The following CTSC variants were observed in gnomAD, a reference collection of about 807,000 sequenced individuals.
The protein encoded by CTSC is cathepsin C.
Under a neutral mutation model 40.9 loss-of-function variants are expected in CTSC, and 37 were observed. That is an observed-to-expected ratio of 0.91 (90% CI 0.70 to 1.19). The LOEUF is 1.19. Ranked by LOEUF, CTSC falls within the 50% of genes most tolerant of loss-of-function variation. The pLI is 0.00. For missense variants in CTSC, 594 were observed against 567.3 expected, an observed-to-expected ratio of 1.05 and a Z score of -0.48; for synonymous variants, 232 against 207.4, an observed-to-expected ratio of 1.12 and a Z score of -1.02.
chr11:88,311,630 T>C (rs553672643), intron 3 of CTSC, among the ~76,000 whole-genome samples: 1 of 152,330 alleles, frequency 6.6e-6, no homozygotes, highest in East Asian at 1.9e-4. Flanking sequence ...TCAAAATTCA[T>C]ACGTTGAAAT....
intron 4 of CTSC, among the ~76,000 whole-genome samples, chr11:88,304,156 C>G (rs938671813): frequency 1.3e-5 from 2 of 152,072 alleles, no homozygotes; most frequent in Non-Finnish European, 2.9e-5. Flanking sequence ...TTATCACTTA[C>G]TATCTGTGTA....
intron 2 of CTSC, among the ~76,000 whole-genome samples, chr11:88,314,936 A>C (rs749957581): frequency 3.3e-5 from 5 of 152,210 alleles, no homozygotes; most frequent in Middle Eastern, 3.4e-3. Flanking sequence ...ACCCTACTCA[A>C]TATGATGACC....
chr11:88,324,867 CACT>C (rs1938137120), intron 2 of CTSC: 7 of 985,246 alleles, frequency 7.1e-6, no homozygotes, highest in Non-Finnish European at 8.4e-6. Flanking sequence ...GGGAGCAGTC[CACT>C]GTACTCTTAA....
intron 4 of CTSC, among the ~76,000 whole-genome samples, chr11:88,302,450 C>T (rs1944375685): frequency 1.3e-5 from 2 of 151,804 alleles, no homozygotes; most frequent in East Asian, 1.9e-4. Context: ...AGTGAAACCC[C>T]GTCCCTACTA....
At chr11:88,304,855 TGGGA>T (rs1162099102) in intron 4 of CTSC, among the ~76,000 whole-genome samples, 6 of 152,178 alleles carry the variant, frequency 3.9e-5, no homozygotes, top group African/African-American at 1.4e-4. Context: ...TGCAGCACTT[TGGGA>T]GGCCAAGGTA....
intron 3 of CTSC, among the ~76,000 whole-genome samples, chr11:88,311,937 T>C (rs748620639): frequency 5.3e-5 from 8 of 152,226 alleles, no homozygotes; most frequent in Non-Finnish European, 1.2e-4. Flanking sequence ...CAGTCTGTGG[T>C]ACTTTGTTAT....
intron 2 of CTSC, among the ~76,000 whole-genome samples, chr11:88,330,358 A>T (rs1938315591): frequency 1.3e-5 from 2 of 151,800 alleles, no homozygotes; most frequent in Non-Finnish European, 2.9e-5. Flanking sequence ...AAAATCTTTC[A>T]TTTTTTTATT....
chr11:88,293,884 A>G lies in CTSC; in HGVS notation c.*122T>C, dbSNP rs1330914108. 1 of 1,216,584 alleles carries G rather than the reference A, an allele frequency of 8.2e-7. No individual in the cohort carries two copies. Among genetic ancestry groups the G allele is most frequent in the Non-Finnish European group, 1.2e-6 (1 of 837,366 alleles). The allele number at this position is 1,216,584 out of a possible 1,614,324, so 75.4% of individuals were successfully genotyped here. A position where few individuals can be genotyped will look rare whatever the true frequency, so the allele number is the denominator to read the frequency against. ...AGGGCAGTTTTAATTCTGAAGACAA[A>G]TATCTTCATGGAAATCTATTTGTAA... On this transcript the variant is annotated 3_prime_UTR_variant, in exon 7 of 7. Coordinates refer to ENST00000227266, the MANE Select transcript of CTSC (RefSeq NM_001814.6).
At chr11:88,327,311 A>G (rs1055536646) in intron 2 of CTSC, among the ~76,000 whole-genome samples, 5 of 152,298 alleles carry the variant, frequency 3.3e-5, no homozygotes, top group East Asian at 3.9e-4. Context: ...AGATAAACCT[A>G]TGGTGCTTTC....
chr11:88,310,645 G>A (rs953305176), intron 3 of CTSC, among the ~76,000 whole-genome samples: 11 of 152,112 alleles, frequency 7.2e-5, no homozygotes, highest in African/African-American at 2.7e-4. Context: ...ATGTTTTAAT[G>A]TTTTTGTCGA....
chr11:88,337,715 C>T lies in CTSC; in HGVS notation c.-43G>A, dbSNP rs1938547161. On this transcript the variant is annotated 5_prime_UTR_variant, in exon 1 of 7. Coordinates refer to ENST00000227266, the MANE Select transcript of CTSC (RefSeq NM_001814.6). Reference sequence around the variant, plus strand: ...AAAGAGGTGAAGAATTACCAGGAAGCCGAGCGCTGCGGGCTAGCGGTGAGT... The same window carrying T: ...AAAGAGGTGAAGAATTACCAGGAAGTCGAGCGCTGCGGGCTAGCGGTGAGT... 2 of 1,549,840 alleles carry T rather than the reference C, an allele frequency of 1.3e-6. No individual in the cohort carries two copies. Among genetic ancestry groups the T allele is most frequent in the Non-Finnish European group, 1.7e-6 (2 of 1,146,530 alleles).
intron 3 of CTSC, 29 bp from the exon 4 acceptor site, chr11:88,309,347 T>A: frequency 6.3e-7 from 1 of 1,575,026 alleles, no homozygotes; most frequent in East Asian, 2.2e-5. Context: ...TAATTTCAGA[T>A]ATAGTCTTTA....
At position 88,304,595 on chromosome 11, in the gene CTSC, T is replaced by C. The variant is rs375292374; in HGVS notation, c.642-3950A>G. Among the ~76,000 whole-genome samples the C allele has an allele frequency of 6.6e-5, 10 of 152,310 alleles. 1 individual carries two copies. The South Asian group carries it at 1.9e-3, about 28-fold the overall frequency. On this transcript the variant is annotated intron_variant, in intron 4 of 6. Coordinates refer to ENST00000227266, the MANE Select transcript of CTSC (RefSeq NM_001814.6). Reference sequence around the variant, plus strand: ...TGGGTAAGATGAGGCTGAGACCTACTGGGCTGCATTCCCAGACAGTTAAGG... The same window carrying C: ...TGGGTAAGATGAGGCTGAGACCTACCGGGCTGCATTCCCAGACAGTTAAGG...
Position 88,294,424 on chromosome 11 carries a change from G to C in CTSC, c.974C>G (p.Thr325Arg). 6.2e-7 allele frequency: 1 copy of C among 1,614,154 alleles called. No individual in the cohort carries two copies. Among genetic ancestry groups the C allele is most frequent in the Non-Finnish European group, 8.5e-7 (1 of 1,180,014 alleles). Reference protein sequence around the residue: ...GLVEEACFPYTGTDSPCKMKE... With the variant: ...GLVEEACFPYRGTDSPCKMKE... ...CATTTTGCATGGAGAATCAGTGCCT[G>C]TGTAGGGGAAGCAAGCTTCTTCCAC... The change falls in exon 7 of 7, where the codon ACA becomes AGA. Residue 325 changes from threonine to arginine, a missense_variant. By Grantham distance (71) the Thr-to-Arg change is moderately conservative. Coordinates refer to ENST00000227266, the MANE Select transcript of CTSC (RefSeq NM_001814.6).
Position 88,337,481 on chromosome 11 carries a change from C to T in CTSC, c.172+20G>A. The T allele has an allele frequency of 6.4e-7, 1 of 1,560,278 alleles. No individual in the cohort carries two copies. The highest frequency in any genetic ancestry group is 8.7e-7 in the Non-Finnish European group (1 of 1,151,642). ...AGGGCAGAAAGGACGACCCGGAGGA[C>T]TGCCGAGCCGGCGGCTTACCCATAA... On this transcript the variant is annotated intron_variant, in intron 1 of 6. Coordinates refer to ENST00000227266, the MANE Select transcript of CTSC (RefSeq NM_001814.6).
At chr11:88,332,999 C>T (rs1938402821) in intron 2 of CTSC, among the ~76,000 whole-genome samples, 1 of 152,154 alleles carries the variant, frequency 6.6e-6, no homozygotes, top group African/African-American at 2.4e-5. Context: ...TGTTCTTAGG[C>T]AATGGCAAAA....
intron 4 of CTSC, among the ~76,000 whole-genome samples, chr11:88,305,085 G>A (rs780785005): frequency 6.1e-5 from 7 of 114,076 alleles, no homozygotes; most frequent in Non-Finnish European, 9.1e-5. Context: ...ACAACACAGT[G>A]AGACTCTGTC....
intron 2 of CTSC, among the ~76,000 whole-genome samples, chr11:88,312,876 T>C (rs961308173): frequency 6.6e-6 from 1 of 152,104 alleles, no homozygotes; most frequent in African/African-American, 2.4e-5. Flanking sequence ...GACTTCACAG[T>C]CCTTACAAGA....
intron 2 of CTSC, chr11:88,328,221 C>CTCT: frequency 1.3e-6 from 2 of 1,525,896 alleles, no homozygotes; most frequent in Non-Finnish European, 9.1e-7. Flanking sequence ...CAATGGTAAA[C>CTCT]TGAGTCATTA....
Sources: gnomAD v4.1 joint callset for allele counts (sites outside exome capture counted in the v4.1 genomes callset) on GRCh38, gnomAD v4.1.1 for gene constraint, MANE v1.5 for transcripts, NCBI Gene and HGNC (gene_info 2026-07-23, HGNC 2026-07-21) for gene names.